Variants in LANCL3 observed in about 807,000 individuals in gnomAD.
LANCL3 encodes the protein LanC like family member 3, also known as lanC-like protein 3.
In LANCL3, 19 loss-of-function variants were observed where a neutral mutation model predicts 26.5. The observed-to-expected ratio is 0.72, with a 90% CI of 0.50 to 1.05. LANCL3 has a LOEUF of 1.05. Ranked by LOEUF, LANCL3 falls within the 50% of genes least tolerant of loss-of-function variation. The probability of loss-of-function intolerance (pLI) is 0.00; values close to 1 mark genes in which losing one functional copy is unlikely to be tolerated. For missense variants in LANCL3, 318 were observed against 362.7 expected (o/e 0.88, Z 1.00); for synonymous variants, 160 against 166.6 (o/e 0.96, Z 0.30).
At chrX:37,636,395 T>A (rs1925706662) in intron 1 of LANCL3, among the ~76,000 whole-genome samples, 1 of 112,427 alleles carries the variant, frequency 8.9e-6, no homozygotes, top group South Asian at 3.6e-4. Flanking sequence ...CCAAACTGCT[T>A]TCCACAGTGG....
At chrX:37,577,837 A>C (rs1923792905) in intron 1 of LANCL3, among the ~76,000 whole-genome samples, 1 of 112,390 alleles carries the variant, frequency 8.9e-6, no homozygotes, top group African/African-American at 3.2e-5. Flanking sequence ...CAAAGTTGTT[A>C]ATTGGGTCTT....
intron 1 of LANCL3, among the ~76,000 whole-genome samples, chrX:37,631,592 C>G (rs1403226620): frequency 9.1e-6 from 1 of 110,479 alleles, no homozygotes; most frequent in Non-Finnish European, 1.9e-5. Context: ...GGCATTTAGT[C>G]CTCGAAATTT....
At chrX:37,657,525 T>C (rs1389201663) in intron 2 of LANCL3, among the ~76,000 whole-genome samples, 3 of 102,518 alleles carry the variant, frequency 2.9e-5, no homozygotes, top group Non-Finnish European at 3.9e-5. Flanking sequence ...GTATGCCTGG[T>C]CAAATTTTTA....
chrX:37,584,782 G>A (rs1245738409), intron 1 of LANCL3, among the ~76,000 whole-genome samples: 1 of 111,231 alleles, frequency 9.0e-6, no homozygotes, highest in Non-Finnish European at 1.9e-5. Flanking sequence ...AGGGTTTTTT[G>A]TTTCTCTATC....
chrX:37,656,074 G>A (rs1926276943), intron 2 of LANCL3, among the ~76,000 whole-genome samples: 1 of 111,550 alleles, frequency 9.0e-6, no homozygotes, highest in African/African-American at 3.3e-5. Flanking sequence ...TAGATTGTAA[G>A]CTCATTGGCC....
chrX:37,654,722 C>T (rs1239803970), intron 1 of LANCL3, among the ~76,000 whole-genome samples: 8 of 111,811 alleles, frequency 7.2e-5, no homozygotes, highest in Admixed American at 3.8e-4. Context: ...ACTCACTCAT[C>T]GGTTGTGAAG....
At chrX:37,656,454 A>C (rs1209432275) in intron 2 of LANCL3, among the ~76,000 whole-genome samples, 1 of 111,538 alleles carries the variant, frequency 9.0e-6, no homozygotes, top group Non-Finnish European at 1.9e-5. Context: ...CCTTTTGCCT[A>C]GAATGCCCTA....
chrX:37,648,274 T>C (rs1556427713), intron 1 of LANCL3, among the ~76,000 whole-genome samples: 1 of 112,591 alleles, frequency 8.9e-6, no homozygotes, highest in African/African-American at 3.2e-5. Flanking sequence ...TACAGTGTTG[T>C]CAGGACCTAA....
In LANCL3 at chrX:37,675,828, C is replaced by T; in HGVS notation, c.*15C>T. ...TCTTTGTTTAGAAGGCTCTATCTTC[C>T]ACTGTGGCCCTGCAGAGATCCCCTG... is the stretch of plus-strand genomic sequence containing the variant. On this transcript the variant is annotated 3_prime_UTR_variant, in exon 5 of 5. Coordinates refer to ENST00000378619, the MANE Select transcript of LANCL3 (RefSeq NM_001170331.2). 2 of 1,122,738 alleles carry T rather than the reference C, an allele frequency of 1.8e-6. No individual in the cohort carries two copies. Among genetic ancestry groups the T allele is most frequent in the Non-Finnish European group, 2.4e-6 (2 of 850,868 alleles). 92.5% of individuals were successfully genotyped at this position (1,122,738 alleles called of 1,213,427 possible).
intron 1 of LANCL3, among the ~76,000 whole-genome samples, chrX:37,649,655 A>G (rs1156380172): frequency 8.9e-6 from 1 of 111,953 alleles, no homozygotes; most frequent in Non-Finnish European, 1.9e-5. Flanking sequence ...GGGGCCTGGG[A>G]ATTTGAATTT....
In LANCL3 at chrX:37,634,744, T is replaced by C. The variant is rs782546905; in HGVS notation, c.574-20944T>C. ...GATTTACTGATTTTGATAATTGTAC[T>C]GTAGTTAGGTAGGAGAATGTCCATG... On this transcript the variant is annotated intron_variant, in intron 1 of 4. Coordinates refer to ENST00000378619, the MANE Select transcript of LANCL3 (RefSeq NM_001170331.2). Among the ~76,000 whole-genome samples, 5 of 112,266 alleles carry C rather than the reference T, an allele frequency of 4.5e-5. No individual in the cohort carries two copies. The East Asian group carries it at 1.4e-3, about 31-fold the overall frequency.
intron 1 of LANCL3, among the ~76,000 whole-genome samples, chrX:37,576,560 A>G (rs1441236769): frequency 9.0e-6 from 1 of 111,606 alleles, no homozygotes; most frequent in African/African-American, 3.3e-5. Flanking sequence ...GATTAATAAG[A>G]GCTTCTTCGT....
In LANCL3 at chrX:37,571,911, A is replaced by G; in HGVS notation, c.41A>G (p.Tyr14Cys). 8.3e-7 allele frequency: 1 copy of G among 1,207,355 alleles called. No homozygotes were observed. Among genetic ancestry groups the G allele is most frequent in the South Asian group, 1.8e-5 (1 of 56,442 alleles). The stretch of plus-strand genomic sequence containing the variant: ...TGCTTCGCCAATCGCTTCGATGACT[A>G]CCAGGGCAGCCTGCTGGCGGGCCAG... ...KRCFANRFDD[Y>C]QGSLLAGQCE... The change falls in exon 1 of 5, where the codon TAC (tyrosine) becomes TGC (cysteine). Residue 14 changes from tyrosine (Y) to cysteine (C), a missense_variant. Tyr to Cys is a radical substitution (Grantham distance 194). Coordinates refer to ENST00000378619, the MANE Select transcript of LANCL3 (RefSeq NM_001170331.2).
intron 1 of LANCL3, among the ~76,000 whole-genome samples, chrX:37,611,405 G>C (rs781987456): frequency 9.0e-6 from 1 of 110,551 alleles, no homozygotes; most frequent in Non-Finnish European, 1.9e-5. Context: ...GCTATGATTT[G>C]AGGTACCTTT....
intron 1 of LANCL3, among the ~76,000 whole-genome samples, chrX:37,631,421 T>C (rs1556424288): frequency 8.9e-6 from 1 of 111,844 alleles, no homozygotes; most frequent in Non-Finnish European, 1.9e-5. Flanking sequence ...TTCATTGATT[T>C]TTTGAAGGGT....
intron 1 of LANCL3, among the ~76,000 whole-genome samples, chrX:37,626,901 A>T (rs781885910): frequency 6.3e-5 from 7 of 111,978 alleles, no homozygotes; most frequent in Non-Finnish European, 1.3e-4. Context: ...CCCTGTGAGT[A>T]ACGCCCTTGT....
At position 37,573,069 on chromosome X, in the gene LANCL3, A is replaced by T. The variant is rs782783802; in HGVS notation, c.573+626A>T. Among the ~76,000 whole-genome samples the T allele has an allele frequency of 9.5e-4, 107 of 112,867 alleles. 1 individual carries two copies. The South Asian group carries it at 0.038, about 40-fold the overall frequency. The stretch of plus-strand genomic sequence containing the variant: ...TGTACCCCATTGTGGTTGAATGTGC[A>T]TTATTTCACTTAAAAATATTTGCTT... On this transcript the variant is annotated intron_variant, in intron 1 of 4. Transcript: ENST00000378619.
In LANCL3 at chrX:37,676,069, A is replaced by G; in HGVS notation, c.*256A>G. 4.4e-6 allele frequency: 1 copy of G among 227,411 alleles called. No individual in the cohort carries two copies. The highest frequency in any genetic ancestry group is 7.2e-5 in the East Asian group (1 of 13,913). 18.7% of individuals were successfully genotyped at this position (227,411 alleles called of 1,213,427 possible). A position where few individuals can be genotyped will look rare whatever the true frequency, so the allele number is the denominator to read the frequency against. On this transcript the variant is annotated 3_prime_UTR_variant, in exon 5 of 5. Transcript: ENST00000378619. ...ATGTGAAACAAGGGATCATAGGAAA[A>G]GGGGAAAGAGAAATGATCTGTTTTT... is the stretch of plus-strand genomic sequence containing the variant.
intron 1 of LANCL3, among the ~76,000 whole-genome samples, chrX:37,642,880 T>G (rs984834501): frequency 8.9e-6 from 1 of 112,361 alleles, no homozygotes; most frequent in Non-Finnish European, 1.9e-5. Context: ...GAATTGGCCT[T>G]TCAAAATAGG....
Sources: gnomAD v4.1 joint callset for allele counts (sites outside exome capture counted in the v4.1 genomes callset) on GRCh38, gnomAD v4.1.1 for gene constraint, MANE v1.5 for transcripts, NCBI Gene and HGNC (gene_info 2026-07-23, HGNC 2026-07-21) for gene names.